OPCML: variants seen among roughly 807,000 people sequenced by gnomAD.
The protein encoded by OPCML is opioid-binding protein/cell adhesion molecule.
Under a neutral mutation model 37.8 loss-of-function variants are expected in OPCML, and 13 were observed. That is an observed-to-expected ratio of 0.34 (90% CI 0.22 to 0.55). OPCML has a LOEUF of 0.55. OPCML is among the 20% of genes least tolerant of loss of function. The pLI is 0.91. For synonymous variants in OPCML, 176 were observed against 168.8 expected (o/e 1.04, Z -0.33); for missense variants, 341 against 435.6 (o/e 0.78, Z 1.93).
intron 1 of OPCML, among the ~76,000 whole-genome samples, chr11:133,128,273 G>T (rs532275764): frequency 6.6e-6 from 1 of 152,278 alleles, no homozygotes; most frequent in African/African-American, 2.4e-5. Flanking sequence ...CCCCTATGGA[G>T]GTGGAATCCA....
rs192759107 is a variant in OPCML, at chr11:132,920,851, C to G, written c.146+22075G>C. On this transcript the variant is annotated intron_variant, in intron 2 of 7. Transcript: ENST00000524381. ...TGCTGTCATGTCACGGCCTGGCCGG[C>G]GGGAGCCCACCTGGCGTCTCCTGAG... 2.0e-4 allele frequency among the ~76,000 whole-genome samples: 31 copies of G among 152,238 alleles called. No individual in the cohort carries two copies. In the East Asian group the frequency reaches 6.0e-3, roughly 30 times the overall value.
intron 3 of OPCML, among the ~76,000 whole-genome samples, chr11:132,534,281 TAC>T (rs1189776518): frequency 6.6e-6 from 1 of 152,198 alleles, no homozygotes; most frequent in Non-Finnish European, 1.5e-5. Flanking sequence ...GTATAAAACA[TAC>T]ATAGTTTTGT....
At position 132,523,010 on chromosome 11, in the gene OPCML, C is replaced by T. The variant is rs554733511; in HGVS notation, c.505+6051G>A. On this transcript the variant is annotated intron_variant, in intron 4 of 7. Coordinates refer to ENST00000524381, the MANE Select transcript of OPCML (RefSeq NM_001012393.5). ...GCAGTGAAATGGCCTGATCTCGGCT[C>T]ACTGCAACCTCCGCCTCCTGGGTTC... Among the ~76,000 whole-genome samples the T allele has an allele frequency of 8.0e-4, 122 of 152,300 alleles. 4 individuals are homozygous for T. The South Asian group carries it at 0.025, about 31-fold the overall frequency.
intron 4 of OPCML, among the ~76,000 whole-genome samples, chr11:132,480,285 T>C (rs562997243): frequency 2.6e-5 from 4 of 151,908 alleles, no homozygotes; most frequent in African/African-American, 7.2e-5. Context: ...GAAGATGAAA[T>C]GAATGAAATG....
intron 1 of OPCML, among the ~76,000 whole-genome samples, chr11:132,957,883 C>T (rs1408436825): frequency 6.6e-6 from 1 of 152,206 alleles, no homozygotes. Context: ...CTCTCTCCTT[C>T]TCCTCAGGCC....
intron 3 of OPCML, among the ~76,000 whole-genome samples, chr11:132,606,113 A>G (rs1938277978): frequency 6.6e-6 from 1 of 152,220 alleles, no homozygotes; most frequent in Non-Finnish European, 1.5e-5. Context: ...ATTTCGTCTT[A>G]TATCTTCAAA....
rs552990565 is a variant in OPCML at position 133,175,572 on chromosome 11, A to C, written c.62-232562T>G. 3.3e-5 allele frequency among the ~76,000 whole-genome samples: 5 copies of C among 152,230 alleles called. No individual in the cohort carries two copies. In the South Asian group the frequency reaches 1.0e-3, roughly 32 times the overall value. On this transcript the variant is annotated intron_variant, in intron 1 of 7. Coordinates refer to ENST00000524381, the MANE Select transcript of OPCML (RefSeq NM_001012393.5). Reference sequence around the variant, plus strand: ...TATCAAGAACACAGTTTCTCTGTTCACACATTTAATTAGGAAACTTGAAAT... The same window carrying C: ...TATCAAGAACACAGTTTCTCTGTTCCCACATTTAATTAGGAAACTTGAAAT...
At chr11:132,656,908 T>C (rs1265614605) in intron 3 of OPCML, among the ~76,000 whole-genome samples, 179 bp downstream of exon 3, 1 of 152,216 alleles carries the variant, frequency 6.6e-6, no homozygotes, top group Non-Finnish European at 1.5e-5. Context: ...TGAGAAGATA[T>C]TCAGCACTTA....
chr11:133,023,528 C>T (rs757649332), intron 1 of OPCML, among the ~76,000 whole-genome samples: 2 of 152,184 alleles, frequency 1.3e-5, no homozygotes, highest in Non-Finnish European at 2.9e-5. Context: ...TCTGCTGGAG[C>T]CTCAAGGAAA....
At position 133,532,470 on chromosome 11, in the gene OPCML, G is replaced by A. The variant is rs1439553746; in HGVS notation, c.-146C>T. Reference sequence around the variant, plus strand: ...AGAGAGCAGAAGAGAGAGAGAGCGCGCGAGAGATGGGAGCAGGCAGGCAGC... The same window carrying A: ...AGAGAGCAGAAGAGAGAGAGAGCGCACGAGAGATGGGAGCAGGCAGGCAGC... On this transcript the variant is annotated 5_prime_UTR_variant, in exon 1 of 8. Transcript: ENST00000524381. The A allele has an allele frequency of 3.3e-6, 3 of 918,996 alleles. No individual in the cohort carries two copies. Among genetic ancestry groups the A allele is most frequent in the Non-Finnish European group, 5.1e-6 (3 of 589,990 alleles). 56.9% of individuals were successfully genotyped at this position (918,996 alleles called of 1,614,324 possible).
intron 1 of OPCML, among the ~76,000 whole-genome samples, chr11:132,990,290 T>G (rs572828659): frequency 6.6e-6 from 1 of 152,228 alleles, no homozygotes; most frequent in South Asian, 2.1e-4. Flanking sequence ...ACTCAGAGAG[T>G]GCCTGCACTT....
chr11:133,444,512 C>G (rs1025585858), intron 1 of OPCML, among the ~76,000 whole-genome samples: 1 of 152,000 alleles, frequency 6.6e-6, no homozygotes, highest in African/African-American at 2.4e-5. Context: ...ATTGCTAAAT[C>G]AAATATAAAA....
intron 2 of OPCML, among the ~76,000 whole-genome samples, chr11:132,697,790 G>A (rs892602508): frequency 2.6e-5 from 4 of 151,734 alleles, no homozygotes; most frequent in African/African-American, 9.7e-5. Flanking sequence ...TTGAGACAAG[G>A]CCTCTCTCTC....
At chr11:132,480,409 T>C (rs1288807970) in intron 4 of OPCML, among the ~76,000 whole-genome samples, 1 of 152,172 alleles carries the variant, frequency 6.6e-6, no homozygotes, top group Non-Finnish European at 1.5e-5. Flanking sequence ...TACCTGAAAG[T>C]GATGGGGAGA....
At position 132,658,672 on chromosome 11, in the gene OPCML, C is replaced by G. The variant is rs539360118; in HGVS notation, c.147-1353G>C. On this transcript the variant is annotated intron_variant, in intron 2 of 7. Transcript: ENST00000524381. ...AGTTGGGTAGGGAGGGTGTTAGGCA[C>G]TCTCACAATATTGCAGGAAGACATT... 5.0e-4 allele frequency among the ~76,000 whole-genome samples: 76 copies of G among 152,286 alleles called. No individual in the cohort carries two copies. The South Asian group carries it at 0.016, about 32-fold the overall frequency.
intron 1 of OPCML, among the ~76,000 whole-genome samples, chr11:133,441,856 AT>A (rs1946371766): frequency 6.6e-6 from 1 of 152,202 alleles, no homozygotes; most frequent in Non-Finnish European, 1.5e-5. Flanking sequence ...CTTCCAAATT[AT>A]TTTTTTAATT....
intron 4 of OPCML, among the ~76,000 whole-genome samples, chr11:132,496,466 C>T (rs954315415): frequency 6.6e-5 from 10 of 152,200 alleles, no homozygotes; most frequent in Non-Finnish European, 1.3e-4. Flanking sequence ...AATAATTTGG[C>T]TTCTCCTAGA....
chr11:132,910,485 T>C (rs1944392727), intron 2 of OPCML, among the ~76,000 whole-genome samples: 3 of 152,218 alleles, frequency 2.0e-5, no homozygotes, highest in Non-Finnish European at 4.4e-5. Context: ...AATCTTCACA[T>C]AGGGAGGATG....
At position 133,532,422 on chromosome 11, in the gene OPCML, A is replaced by G; in HGVS notation, c.-98T>C. On this transcript the variant is annotated 5_prime_UTR_variant, in exon 1 of 8. Coordinates refer to ENST00000524381, the MANE Select transcript of OPCML (RefSeq NM_001012393.5). The stretch of plus-strand genomic sequence containing the variant: ...TGTGCTGAATTCTGAGCAGGTTTAA[A>G]TCCAATGTTTGCAAAGGGAGGGAGA... 2 of 1,454,554 alleles carry G rather than the reference A, an allele frequency of 1.4e-6. No individual in the cohort carries two copies. Among genetic ancestry groups the G allele is most frequent in the Non-Finnish European group, 1.9e-6 (2 of 1,058,870 alleles). The allele number at this position is 1,454,554 out of a possible 1,614,324, so 90.1% of individuals were successfully genotyped here. A position where few individuals can be genotyped will look rare whatever the true frequency, so the allele number is the denominator to read the frequency against.
Sources: gnomAD v4.1 joint callset for allele counts (sites outside exome capture counted in the v4.1 genomes callset) on GRCh38, gnomAD v4.1.1 for gene constraint, MANE v1.5 for transcripts, NCBI Gene and HGNC (gene_info 2026-07-23, HGNC 2026-07-21) for gene names.